PCDHGA7: variants seen among roughly 807,000 people sequenced by gnomAD.
PCDHGA7 encodes the protein protocadherin gamma subfamily A, 7.
Under a neutral mutation model 58.3 loss-of-function variants are expected in PCDHGA7, and 44 were observed. The ratio of observed to expected loss-of-function variants is 0.75; its 90% CI spans 0.59 to 0.97. PCDHGA7 has a LOEUF of 0.97. Ranked by LOEUF, PCDHGA7 falls within the 50% of genes least tolerant of loss-of-function variation. PCDHGA7 has a pLI of 0.00. For synonymous variants in PCDHGA7, 516 were observed against 504.2 expected, an observed-to-expected ratio of 1.02 and a Z score of -0.31; for missense variants, 1,266 against 1,188.7, an observed-to-expected ratio of 1.06 and a Z score of -0.96.
chr5:141,510,986 G>A lies in PCDHGA7; in HGVS notation c.2612G>A (p.Gly871Asp), dbSNP rs754203270. The A allele has an allele frequency of 6.2e-7, 1 of 1,614,166 alleles. No individual in the cohort carries two copies. The highest frequency in any genetic ancestry group is 8.5e-7 in the Non-Finnish European group (1 of 1,180,012). The change falls in exon 4 of 4, where the codon GGC becomes GAC. Residue 871 changes from glycine to aspartate, a missense_variant. Physicochemically the swap from Gly to Asp is moderately conservative, Grantham distance 94. Transcript: ENST00000518325. ...DGSSTLGGGA[G>D]TMGLSARYGP... ...AGCTCCACCCTGGGAGGGGGTGCCG[G>A]CACCATGGGATTGAGCGCCCGCTAC... is the stretch of plus-strand genomic sequence containing the variant.
intron 1 of PCDHGA7, among the ~76,000 whole-genome samples, chr5:141,451,875 T>C (rs747595781): frequency 5.9e-5 from 9 of 151,594 alleles, no homozygotes; most frequent in Non-Finnish European, 1.3e-4. Context: ...AATGAAACCC[T>C]GTCAAGAAAG....
chr5:141,403,595 T>G (rs2094430008), intron 1 of PCDHGA7: 1 of 1,613,824 alleles, frequency 6.2e-7, no homozygotes, highest in East Asian at 2.2e-5. Flanking sequence ...CCTCACGGCC[T>G]CGGATGGCGG....
At chr5:141,467,214 G>A (rs1333148694) in intron 1 of PCDHGA7, among the ~76,000 whole-genome samples, 1 of 151,856 alleles carries the variant, frequency 6.6e-6, no homozygotes, top group Admixed American at 6.6e-5. Context: ...CACCATGCCT[G>A]GCTAATTTTT....
At position 141,423,563 on chromosome 5, in the gene PCDHGA7, C is replaced by T. The variant is rs745802952; in HGVS notation, c.2424+38240C>T. 9.9e-6 allele frequency: 16 copies of T among 1,613,436 alleles called. No homozygotes were observed. In the Admixed American group the frequency reaches 2.3e-4, roughly 24 times the overall value. ...TTCCCCCAGCCCAACTATGGGGACA[C>T]GCTCATCAGCCAGGAGAGCTGTGAG... On this transcript the variant is annotated intron_variant, in intron 1 of 3. Coordinates refer to ENST00000518325, the MANE Select transcript of PCDHGA7 (RefSeq NM_018920.4).
chr5:141,478,017 T>C lies in PCDHGA7; in HGVS notation c.2425-16790T>C, dbSNP rs776415195. ...GGTCAAATCAGTACTGCCCGTCCAG[T>C]CCAAGACACAGATTCACCCAGGCAG... On this transcript the variant is annotated intron_variant, in intron 1 of 3. Transcript: ENST00000518325. 15 of 1,613,910 alleles carry C rather than the reference T, an allele frequency of 9.3e-6. No homozygotes were observed. In the African/African-American group the frequency reaches 1.9e-4, roughly 20 times the overall value.
chr5:141,401,689 A>G (rs2094183367), intron 1 of PCDHGA7, among the ~76,000 whole-genome samples: 1 of 152,222 alleles, frequency 6.6e-6, no homozygotes, highest in Non-Finnish European at 1.5e-5. Context: ...ATGGAAGGTG[A>G]ATACAGGATT....
Position 141,436,609 on chromosome 5 carries a change from A to G in PCDHGA7, c.2424+51286A>G, listed in dbSNP as rs182981534. On this transcript the variant is annotated intron_variant, in intron 1 of 3. Coordinates refer to ENST00000518325, the MANE Select transcript of PCDHGA7 (RefSeq NM_018920.4). ...AAAGGTCGTGGTGATGGCTAGGGCT[A>G]ACAAAAATCTGATTCACAACATGCA... Among the ~76,000 whole-genome samples, 5 of 152,334 alleles carry G rather than the reference A, an allele frequency of 3.3e-5. No homozygotes were observed. The East Asian group carries it at 5.8e-4, about 18-fold the overall frequency.
intron 1 of PCDHGA7, chr5:141,400,037 G>T (rs778871485): frequency 3.1e-6 from 5 of 1,613,132 alleles, no homozygotes; most frequent in Admixed American, 1.7e-5. Flanking sequence ...GCCCGCCAGC[G>T]CCTGCTGGTT....
intron 1 of PCDHGA7, chr5:141,385,590 CT>C: frequency 8.0e-7 from 1 of 1,252,846 alleles, no homozygotes; most frequent in Non-Finnish European, 1.0e-6. Flanking sequence ...ATGTTCCAAC[CT>C]ACTTTCTTAA....
chr5:141,474,291 AGT>A (rs1191263215), intron 1 of PCDHGA7, among the ~76,000 whole-genome samples: 1 of 152,210 alleles, frequency 6.6e-6, no homozygotes, highest in Admixed American at 6.5e-5. Flanking sequence ...CCACTAGATC[AGT>A]GCTTGTCAAA....
intron 1 of PCDHGA7, chr5:141,441,038 G>A (rs1263659082): frequency 6.6e-6 from 1 of 152,156 alleles, no homozygotes; most frequent in African/African-American, 2.4e-5. Context: ...AAAACTTTAA[G>A]TACATTGGAC....
At position 141,422,630 on chromosome 5, in the gene PCDHGA7, G is replaced by A. The variant is rs1193466428; in HGVS notation, c.2424+37307G>A. 5 of 1,613,176 alleles carry A rather than the reference G, an allele frequency of 3.1e-6. No homozygotes were observed. The Admixed American group carries it at 8.3e-5, about 27-fold the overall frequency. On this transcript the variant is annotated intron_variant, in intron 1 of 3. Coordinates refer to ENST00000518325, the MANE Select transcript of PCDHGA7 (RefSeq NM_018920.4). ...GCCTACATTCCCGAAAACAACCCCA[G>A]GGGTGCCTCCATCTTCTCAGTGACC...
At chr5:141,488,565 C>T (rs1308485284) in intron 1 of PCDHGA7, among the ~76,000 whole-genome samples, 1 of 152,174 alleles carries the variant, frequency 6.6e-6, no homozygotes, top group Non-Finnish European at 1.5e-5. Flanking sequence ...GAGATTTCCG[C>T]AAAGCATTGC....
chr5:141,415,756 T>C, intron 1 of PCDHGA7: 2 of 1,387,344 alleles, frequency 1.4e-6, no homozygotes, highest in Non-Finnish European at 1.9e-6. Flanking sequence ...TTTTTTTTTT[T>C]TTTTTTTTTT....
chr5:141,495,545 A>G (rs1174346915), intron 2 of PCDHGA7, among the ~76,000 whole-genome samples: 3 of 151,824 alleles, frequency 2.0e-5, no homozygotes, highest in Non-Finnish European at 4.4e-5. Flanking sequence ...CTCAGTCTCT[A>G]TCTCGCTTTG....
At chr5:141,392,957 C>T in intron 1 of PCDHGA7, 1 of 1,613,932 alleles carries the variant, frequency 6.2e-7, no homozygotes, top group Non-Finnish European at 8.5e-7. Flanking sequence ...TGGGTAATAT[C>T]TCCAAGGACC....
intron 1 of PCDHGA7, chr5:141,426,906 C>T (rs2096969568): frequency 4.4e-6 from 2 of 456,654 alleles, no homozygotes; most frequent in Admixed American, 2.3e-5. Context: ...CTCTCATCTC[C>T]TGGTCCTGGA....
chr5:141,448,786 A>C (rs1354591718), intron 1 of PCDHGA7, among the ~76,000 whole-genome samples: 1 of 148,848 alleles, frequency 6.7e-6, no homozygotes, highest in African/African-American at 2.5e-5. Flanking sequence ...TAAAAATACA[A>C]AAAAAAAAAT....
intron 1 of PCDHGA7, among the ~76,000 whole-genome samples, chr5:141,450,467 T>C (rs997813636): frequency 9.2e-5 from 14 of 151,944 alleles, no homozygotes; most frequent in African/African-American, 3.2e-4. Flanking sequence ...ATTTTATATA[T>C]AGAGTTTGTT....
Sources: allele counts gnomAD v4.1 joint callset (sites outside exome capture counted in the v4.1 genomes callset), GRCh38; gene constraint gnomAD v4.1.1; transcripts MANE v1.5; gene names NCBI Gene and HGNC (gene_info 2026-07-23, HGNC 2026-07-21).